The following ALOX5AP variants were observed in gnomAD, a reference collection of about 807,000 sequenced individuals.
ALOX5AP encodes the protein arachidonate 5-lipoxygenase-activating protein.
ALOX5AP carries 9 observed loss-of-function variants against 18.5 expected under a neutral mutation model. That is an observed-to-expected ratio of 0.49 (90% CI 0.29 to 0.85). The LOEUF is 0.85. ALOX5AP is among the 40% of genes least tolerant of loss of function. ALOX5AP has a pLI of 0.08. For synonymous variants in ALOX5AP, 81 were observed against 78.6 expected (o/e 1.03, Z -0.16); for missense variants, 172 against 202.5 (o/e 0.85, Z 0.91).
Position 30,764,405 on chromosome 13 carries a change from G to T in ALOX5AP, c.*299G>T. The T allele has an allele frequency of 3.4e-6, 1 of 293,962 alleles. No homozygotes were observed. Among genetic ancestry groups the T allele is most frequent in the Non-Finnish European group, 6.3e-6 (1 of 159,568 alleles). 18.2% of individuals were successfully genotyped at this position (293,962 alleles called of 1,614,324 possible). Reference sequence around the variant, plus strand: ...GGTTTGTGTTTTCTTAAAATAAAATGCAGAGACATGTTTTAAGCTGATAGT... The same window carrying T: ...GGTTTGTGTTTTCTTAAAATAAAATTCAGAGACATGTTTTAAGCTGATAGT... On this transcript the variant is annotated 3_prime_UTR_variant, in exon 5 of 5. Coordinates refer to ENST00000380490, the MANE Select transcript of ALOX5AP (RefSeq NM_001629.4).
At chr13:30,739,597 G>A (rs769790944) in intron 1 of ALOX5AP, among the ~76,000 whole-genome samples, 1 of 152,122 alleles carries the variant, frequency 6.6e-6, no homozygotes, top group Non-Finnish European at 1.5e-5. Context: ...ACCACGCCCA[G>A]CTAATTTTTG....
At position 30,756,008 on chromosome 13, in the gene ALOX5AP, A is replaced by C. The variant is rs1299947574; in HGVS notation, c.306A>C (p.Leu102=). The C allele has an allele frequency of 6.2e-7, 1 of 1,614,142 alleles. No homozygotes were observed. Residue 102 remains leucine (L), a synonymous_variant, in exon 4 of 5, where the codon CTA becomes CTC. Coordinates refer to ENST00000380490, the MANE Select transcript of ALOX5AP (RefSeq NM_001629.4). ...FVRQKYFVGY[L]GERTQSTPGY... ...GGCAAAAGTACTTTGTCGGTTACCT[A>C]GGAGAGAGAACGCAGAGGTAGGTAA...
chr13:30,758,184 T>C (rs1054101429), intron 4 of ALOX5AP, among the ~76,000 whole-genome samples: 2 of 152,174 alleles, frequency 1.3e-5, no homozygotes, highest in Non-Finnish European at 2.9e-5. Flanking sequence ...TAGACCAAAA[T>C]ACGGCCTGAT....
chr13:30,744,284 G>A, intron 2 of ALOX5AP, 125 bp downstream of exon 2: 5 of 816,776 alleles, frequency 6.1e-6, no homozygotes, highest in Non-Finnish European at 9.9e-6. Flanking sequence ...CCAGGGAGGT[G>A]AGGAAGGTTG....
At chr13:30,725,215 G>A (rs1000987003) in intron 1 of ALOX5AP, among the ~76,000 whole-genome samples, 1 of 152,230 alleles carries the variant, frequency 6.6e-6, no homozygotes, top group African/African-American at 2.4e-5. Context: ...GGACTTCCAA[G>A]AGACATGATT....
Position 30,750,589 on chromosome 13 carries a change from T to C in ALOX5AP, c.171-1463T>C, listed in dbSNP as rs561516460. Among the ~76,000 whole-genome samples, 12 of 152,272 alleles carry C rather than the reference T, an allele frequency of 7.9e-5. No individual in the cohort carries two copies. The South Asian group carries it at 2.5e-3, about 32-fold the overall frequency. On this transcript the variant is annotated intron_variant, in intron 2 of 4. Transcript: ENST00000380490. ...ATGACCCTGAGCAAGTTATTCAGCTTCTCCAAGCCTGAGTTCCTTATTGGA... is the reference window on the plus strand; with the variant it reads ...ATGACCCTGAGCAAGTTATTCAGCTCCTCCAAGCCTGAGTTCCTTATTGGA...
chr13:30,744,209 G>T (rs201221950), intron 2 of ALOX5AP, 50 bp downstream of exon 2: 68 of 1,546,428 alleles, frequency 4.4e-5, no homozygotes, highest in Non-Finnish European at 5.5e-5. Flanking sequence ...GGGCAGGGGG[G>T]CCTCCTTCTA....
At chr13:30,727,803 C>A (rs1381670864) in intron 1 of ALOX5AP, among the ~76,000 whole-genome samples, 1 of 152,180 alleles carries the variant, frequency 6.6e-6, no homozygotes, top group Non-Finnish European at 1.5e-5. Context: ...CTAGCCCAAC[C>A]TGTGGTTTCT....
intron 1 of ALOX5AP, among the ~76,000 whole-genome samples, chr13:30,725,076 A>G (rs1490194797): frequency 6.6e-6 from 1 of 151,906 alleles, no homozygotes; most frequent in Non-Finnish European, 1.5e-5. Flanking sequence ...CCAAAGGAAA[A>G]CCCCCTCAGT....
chr13:30,733,482 G>A (rs1459323420), upstream of ALOX5AP, among the ~76,000 whole-genome samples: 1 of 152,200 alleles, frequency 6.6e-6, no homozygotes, highest in Non-Finnish European at 1.5e-5. Context: ...CCAAACTGCA[G>A]GTATGAATTG....
chr13:30,752,439 A>G (rs1300145210), intron 3 of ALOX5AP, among the ~76,000 whole-genome samples: 4 of 152,200 alleles, frequency 2.6e-5, no homozygotes, highest in African/African-American at 9.7e-5. Flanking sequence ...ATTATAAATG[A>G]GAGTGCCTGA....
chr13:30,745,782 A>C (rs1193139914), intron 2 of ALOX5AP, among the ~76,000 whole-genome samples: 1 of 152,242 alleles, frequency 6.6e-6, no homozygotes, highest in Non-Finnish European at 1.5e-5. Flanking sequence ...CAAGAGGTGC[A>C]AAGAAGGTGT....
intron 1 of ALOX5AP, among the ~76,000 whole-genome samples, chr13:30,721,422 T>C (rs746121466): frequency 6.6e-6 from 1 of 152,158 alleles, no homozygotes; most frequent in Non-Finnish European, 1.5e-5. Context: ...CCGACATTTA[T>C]CTGTTTTTTT....
chr13:30,735,600 G>A lies in ALOX5AP; in HGVS notation c.-6G>A, dbSNP rs754612224. 1.2e-6 allele frequency: 2 copies of A among 1,614,102 alleles called. No homozygotes were observed. Among genetic ancestry groups the A allele is most frequent in the Admixed American group, 1.7e-5 (1 of 60,008 alleles). On this transcript the variant is annotated 5_prime_UTR_variant, in exon 1 of 5. Transcript: ENST00000380490. ...AGCAGTCCTCTCTGGGGAGCCTGAA[G>A]CAAACATGGATCAAGAAACTGTAGG...
intron 1 of ALOX5AP, among the ~76,000 whole-genome samples, chr13:30,714,632 C>A (rs890010815): frequency 9.9e-5 from 15 of 151,112 alleles, no homozygotes; most frequent in Non-Finnish European, 2.1e-4. Context: ...CAGGACCTAG[C>A]GCATAGTCTC....
chr13:30,729,286 A>T (rs1348197213), intron 1 of ALOX5AP, among the ~76,000 whole-genome samples: 1 of 152,134 alleles, frequency 6.6e-6, no homozygotes, highest in East Asian at 1.9e-4. Context: ...TTTATGTTTA[A>T]GACCCATTTC....
At chr13:30,728,049 A>T (rs1951652751) in intron 1 of ALOX5AP, among the ~76,000 whole-genome samples, 1 of 152,170 alleles carries the variant, frequency 6.6e-6, no homozygotes, top group Admixed American at 6.5e-5. Flanking sequence ...ATCATTGCAA[A>T]TATAATTAAT....
chr13:30,749,036 C>T (rs1418347254), intron 2 of ALOX5AP, among the ~76,000 whole-genome samples: 1 of 152,222 alleles, frequency 6.6e-6, no homozygotes, highest in African/African-American at 2.4e-5. Context: ...GCGAGAGGGA[C>T]TGGCTTGAGC....
intron 1 of ALOX5AP, among the ~76,000 whole-genome samples, chr13:30,740,820 A>G (rs979112979): frequency 5.3e-5 from 8 of 152,180 alleles, no homozygotes; most frequent in African/African-American, 1.4e-4. Flanking sequence ...AGTCAGTGGC[A>G]TGGACAGGGT....
Sources: gnomAD v4.1 joint callset for allele counts (sites outside exome capture counted in the v4.1 genomes callset) on GRCh38, gnomAD v4.1.1 for gene constraint, MANE v1.5 for transcripts, NCBI Gene and HGNC (gene_info 2026-07-23, HGNC 2026-07-21) for gene names.